The following COA6 variants were observed in gnomAD, a reference collection of about 807,000 sequenced individuals.
COA6 encodes cytochrome c oxidase assembly factor 6, also known as cytochrome c oxidase assembly factor 6 homolog.
In COA6, 12 loss-of-function variants were observed where a neutral mutation model predicts 17.1. That is an observed-to-expected ratio of 0.70 (90% CI 0.45 to 1.14). The LOEUF (loss-of-function observed/expected upper bound fraction) is 1.14. Ranked by LOEUF, COA6 falls within the 50% of genes most tolerant of loss-of-function variation. COA6 has a pLI of 0.00. For missense variants in COA6, 246 were observed against 196.5 expected (o/e 1.25, Z -1.51); for synonymous variants, 90 against 73.4 (o/e 1.23, Z -1.16).
chr1:234,383,959 C>CAGA lies in COA6; in HGVS notation c.*145_*147dup. 1 of 462,312 alleles carries CAGA rather than the reference C, an allele frequency of 2.2e-6. No homozygotes were observed. Among genetic ancestry groups the CAGA allele is most frequent in the Non-Finnish European group, 4.0e-6 (1 of 253,162 alleles). 28.6% of individuals were successfully genotyped at this position (462,312 alleles called of 1,614,324 possible). ...CTTGATAATTAAGATGATCAAGAAC[C>CAGA]AGAAGATCTGTGAAGAAATGAAATA... On this transcript the variant is annotated 3_prime_UTR_variant, in exon 3 of 3. Coordinates refer to ENST00000366615, the MANE Select transcript of COA6 (RefSeq NM_001206641.3).
intron 2 of COA6, 148 bp downstream of exon 2, chr1:234,374,537 C>T: frequency 1.4e-6 from 1 of 727,414 alleles, no homozygotes; most frequent in Non-Finnish European, 2.2e-6. Context: ...GTAATTCAGC[C>T]TTATTTGACG....
rs970300516 is a variant in COA6, at chr1:234,376,054, A to T, written c.372+1665A>T. ...CAACAAAATGCATAACTTGACATGT[A>T]AACTGAAAACTGATCAATGTGGGAC... is the stretch of plus-strand genomic sequence containing the variant. On this transcript the variant is annotated intron_variant, in intron 2 of 2. Coordinates refer to ENST00000366615, the MANE Select transcript of COA6 (RefSeq NM_001206641.3). Among the ~76,000 whole-genome samples, 4 of 152,210 alleles carry T rather than the reference A, an allele frequency of 2.6e-5. No homozygotes were observed. In the South Asian group the frequency reaches 8.3e-4, roughly 32 times the overall value.
chr1:234,383,064 G>GAAGGGA (rs1553268861), intron 2 of COA6, among the ~76,000 whole-genome samples: 1 of 112,426 alleles, frequency 8.9e-6, no homozygotes, highest in Non-Finnish European at 1.9e-5. Flanking sequence ...GGGAGGGAGG[G>GAAGGGA]AGGGAAGGGA....
Position 234,383,965 on chromosome 1 carries a change from A to T in COA6, c.*147A>T, listed in dbSNP as rs1659058366. On this transcript the variant is annotated 3_prime_UTR_variant, in exon 3 of 3. Coordinates refer to ENST00000366615, the MANE Select transcript of COA6 (RefSeq NM_001206641.3). The stretch of plus-strand genomic sequence containing the variant: ...AATTAAGATGATCAAGAACCAGAAG[A>T]TCTGTGAAGAAATGAAATAAAATGG... The T allele has an allele frequency of 2.2e-6, 1 of 458,042 alleles. No homozygotes were observed. The highest frequency in any genetic ancestry group is 3.9e-5 in the Admixed American group (1 of 25,816). The allele number at this position is 458,042 out of a possible 1,614,324, so 28.4% of individuals were successfully genotyped here. A position where few individuals can be genotyped will look rare whatever the true frequency, so the allele number is the denominator to read the frequency against.
At chr1:234,379,304 C>G (rs1332275430) in intron 2 of COA6, among the ~76,000 whole-genome samples, 1 of 151,950 alleles carries the variant, frequency 6.6e-6, no homozygotes, top group Non-Finnish European at 1.5e-5. Context: ...GACTGGTTGG[C>G]TGTTGGCATT....
chr1:234,384,265 A>G lies in COA6; in HGVS notation c.*447A>G, dbSNP rs1018373695. Reference sequence around the variant, plus strand: ...ATATACAAGTAAAATAATAAAAGCCATCTATAAAAAAGCCCATAGCTAATA... The same window carrying G: ...ATATACAAGTAAAATAATAAAAGCCGTCTATAAAAAAGCCCATAGCTAATA... On this transcript the variant is annotated 3_prime_UTR_variant, in exon 3 of 3. Transcript: ENST00000366615. Among the ~76,000 whole-genome samples, 3 of 152,182 alleles carry G rather than the reference A, an allele frequency of 2.0e-5. No individual in the cohort carries two copies. The highest frequency in any genetic ancestry group is 7.2e-5 in the African/African-American group (3 of 41,458).
chr1:234,380,968 C>T (rs147257303), intron 2 of COA6, among the ~76,000 whole-genome samples: 305 of 152,282 alleles, frequency 2.0e-3, no homozygotes, highest in Middle Eastern at 3.4e-3. Context: ...CCACTGCACT[C>T]CAGCTTGGGT....
In COA6 at chr1:234,377,059, C is replaced by CGAGAGAGAGAGAGAGAGAGA. The variant is rs71170479; in HGVS notation, c.372+2693_372+2712dup. ...GACAGCTACCTTCTTGCTGTGTTGCCGAGAGAGAGAGAGAGAGAGAGAGAG... is the reference window on the plus strand; with the variant it reads ...GACAGCTACCTTCTTGCTGTGTTGCCGAGAGAGAGAGAGAGAGAGAGAGAGAGAGAGAGAGAGAGAGAGAG... On this transcript the variant is annotated intron_variant, in intron 2 of 2. Transcript: ENST00000366615. Among the ~76,000 whole-genome samples the CGAGAGAGAGAGAGAGAGAGA allele has an allele frequency of 4.2e-4, 35 of 82,638 alleles. 2 individuals carry two copies. The highest frequency in any genetic ancestry group is 6.8e-4 in the Admixed American group (6 of 8,886). 54.2% of individuals were successfully genotyped at this position (82,638 alleles called of 152,430 possible).
chr1:234,374,868 G>A lies in COA6; in HGVS notation c.372+479G>A, dbSNP rs78156591. ...TATGGTGGATTCTGTCTCCCTGACAGGCATTCAAGCGCTGTATCCCCTGTC... is the reference window on the plus strand; with the variant it reads ...TATGGTGGATTCTGTCTCCCTGACAAGCATTCAAGCGCTGTATCCCCTGTC... On this transcript the variant is annotated intron_variant, in intron 2 of 2. Coordinates refer to ENST00000366615, the MANE Select transcript of COA6 (RefSeq NM_001206641.3). Among the ~76,000 whole-genome samples, 500 of 152,308 alleles carry A rather than the reference G, an allele frequency of 3.3e-3. 5 individuals carry two copies. The highest frequency in any genetic ancestry group is 0.022 in the East Asian group (116 of 5,190).
intron 2 of COA6, among the ~76,000 whole-genome samples, chr1:234,380,210 C>A (rs1658933494): frequency 6.6e-6 from 1 of 152,180 alleles, no homozygotes; most frequent in Admixed American, 6.5e-5. Context: ...AAGTCCTACT[C>A]AATTGCCACA....
chr1:234,373,831 C>A, intron 1 of COA6, 153 bp downstream of exon 1: 2 of 1,613,528 alleles, frequency 1.2e-6, no homozygotes, highest in Non-Finnish European at 1.7e-6. Flanking sequence ...CCTGTTTCTA[C>A]AGCGCTTAGG....
chr1:234,374,428 A>G (rs987886856), intron 2 of COA6, 39 bp downstream of exon 2: 3 of 1,606,380 alleles, frequency 1.9e-6, no homozygotes, highest in African/African-American at 1.3e-5. Flanking sequence ...CCCTGTTAAG[A>G]TACATCGAGC....
In COA6 at chr1:234,374,303, T is replaced by G. The variant is rs875989827; in HGVS notation, c.286T>G (p.Trp96Gly). Residue 96 changes from tryptophan (W) to glycine (G), a missense_variant, in exon 2 of 3, where the codon TGG becomes GGG. Trp to Gly is a radical substitution (Grantham distance 184). Transcript: ENST00000366615. ...CTGCTGGGGGGCCCGGGATGAGTACTGGAAGTGTTTAGATGAGAACTTAGA... is the reference window on the plus strand; with the variant it reads ...CTGCTGGGGGGCCCGGGATGAGTACGGGAAGTGTTTAGATGAGAACTTAGA... ...QVCWGARDEY[W>G]KCLDENLEDA... The G allele has an allele frequency of 6.2e-7, 1 of 1,613,916 alleles. No homozygotes were observed. The highest frequency in any genetic ancestry group is 8.5e-7 in the Non-Finnish European group (1 of 1,180,000).
chr1:234,374,285 G>C lies in COA6; in HGVS notation c.268G>C (p.Gly90Arg). The C allele has an allele frequency of 6.2e-7, 1 of 1,613,764 alleles. No homozygotes were observed. The highest frequency in any genetic ancestry group is 8.5e-7 in the Non-Finnish European group (1 of 1,179,924). Residue 90 changes from glycine to arginine, a missense_variant, in exon 2 of 3, where the codon GGG becomes CGG. Coordinates refer to ENST00000366615, the MANE Select transcript of COA6 (RefSeq NM_001206641.3). ...PSMKERQVCW[G>R]ARDEYWKCLD... ...TATGAAGGAAAGACAGGTCTGCTGGGGGGCCCGGGATGAGTACTGGAAGTG... is the reference window on the plus strand; with the variant it reads ...TATGAAGGAAAGACAGGTCTGCTGGCGGGCCCGGGATGAGTACTGGAAGTG...
At chr1:234,379,159 T>G (rs1658898431) in intron 2 of COA6, among the ~76,000 whole-genome samples, 1 of 151,666 alleles carries the variant, frequency 6.6e-6, no homozygotes, top group Non-Finnish European at 1.5e-5. Flanking sequence ...GGATTATAGG[T>G]GTGAGCCACT....
intron 1 of COA6, 199 bp from the exon 2 acceptor site, chr1:234,374,031 G>T: frequency 3.3e-6 from 3 of 914,228 alleles, no homozygotes; most frequent in African/African-American, 1.7e-5. Flanking sequence ...CTCAAGAGCG[G>T]GTGGCCTTAT....
intron 2 of COA6, among the ~76,000 whole-genome samples, chr1:234,381,307 C>T (rs931638450): frequency 9.9e-5 from 15 of 152,146 alleles, no homozygotes; most frequent in Admixed American, 5.9e-4. Context: ...GAGAAAGGAC[C>T]GTGTGTTGAG....
intron 1 of COA6, 68 bp from the exon 2 acceptor site, chr1:234,374,162 C>A: frequency 1.5e-6 from 2 of 1,361,372 alleles, no homozygotes; most frequent in Non-Finnish European, 2.0e-6. Context: ...GACGGTTTTC[C>A]TCTTTCCTTA....
rs202243801 is a variant in COA6 at position 234,374,117 on chromosome 1, T to TG, written c.213-113_213-112insG. On this transcript the variant is annotated intron_variant, in intron 1 of 2. Coordinates refer to ENST00000366615, the MANE Select transcript of COA6 (RefSeq NM_001206641.3). ...CATGGTTTTGTTTTGTTTTTGTTTT[T>TG]TTTTTTTTTTTTAGTTTTAAAGGAA... 1,522 of 1,109,482 alleles carry TG rather than the reference T, an allele frequency of 1.4e-3. 8 individuals carry two copies. Among genetic ancestry groups the TG allele is most frequent in the Non-Finnish European group, 1.7e-3 (1,334 of 794,178 alleles). 68.7% of individuals were successfully genotyped at this position (1,109,482 alleles called of 1,614,324 possible).
Sources: allele counts gnomAD v4.1 joint callset (sites outside exome capture counted in the v4.1 genomes callset), GRCh38; gene constraint gnomAD v4.1.1; transcripts MANE v1.5; gene names NCBI Gene and HGNC (gene_info 2026-07-23, HGNC 2026-07-21).